The following ADCK1 variants were observed in gnomAD, a reference collection of about 807,000 sequenced individuals.
ADCK1 encodes aarF domain-containing protein kinase 1.
ADCK1 carries 41 observed loss-of-function variants against 52.3 expected under a neutral mutation model. That is an observed-to-expected ratio of 0.78 (90% CI 0.61 to 1.02). The LOEUF (loss-of-function observed/expected upper bound fraction) is 1.02, where lower values mean the gene tolerates loss of function less well. Among genes scored for constraint, ADCK1 ranks in the 50% least tolerant of loss-of-function variants. The pLI, the probability that ADCK1 is intolerant of heterozygous loss-of-function variation, is 0.00. For synonymous variants in ADCK1, 250 were observed against 274.6 expected, an observed-to-expected ratio of 0.91 and a Z score of 0.89; for missense variants, 658 against 679.5, an observed-to-expected ratio of 0.97 and a Z score of 0.35.
At chr14:77,884,927 A>G (rs988523236) in intron 4 of ADCK1, among the ~76,000 whole-genome samples, 5 of 152,150 alleles carry the variant, frequency 3.3e-5, no homozygotes, top group African/African-American at 1.2e-4. Context: ...TCTATTTTGG[A>G]AAGCTCCATG....
At chr14:77,821,193 G>A (rs1331336301) in intron 2 of ADCK1, 1 of 152,150 alleles carries the variant, frequency 6.6e-6, no homozygotes, top group African/African-American at 2.4e-5. Flanking sequence ...TGGAAAGGAG[G>A]GAGGCAGATA....
At chr14:77,837,114 T>G (rs2081976956) in intron 3 of ADCK1, among the ~76,000 whole-genome samples, 1 of 151,386 alleles carries the variant, frequency 6.6e-6, no homozygotes, top group Non-Finnish European at 1.5e-5. Flanking sequence ...GGATTTAGGG[T>G]CCACCTGGGC....
intron 6 of ADCK1, among the ~76,000 whole-genome samples, chr14:77,901,853 AG>A (rs969921641): frequency 2.6e-5 from 4 of 152,134 alleles, no homozygotes; most frequent in African/African-American, 7.2e-5. Flanking sequence ...CAGGGCTTGG[AG>A]GGCTCTTCTG....
At chr14:77,872,487 T>TCTTG (rs1254819745) in intron 4 of ADCK1, among the ~76,000 whole-genome samples, 1 of 151,900 alleles carries the variant, frequency 6.6e-6, no homozygotes. Flanking sequence ...CTGAGGAGGT[T>TCTTG]CTTGAAGAAG....
rs1000302463 is a variant in ADCK1, at chr14:77,934,925, A to G, written c.*1534A>G. ...CTGAGAGTATAATTTGCAATATCTG[A>G]TTATTAATCTTGAGGATGTGTGCTG... On this transcript the variant is annotated 3_prime_UTR_variant, in exon 11 of 11. Coordinates refer to ENST00000238561, the MANE Select transcript of ADCK1 (RefSeq NM_020421.4). 1 of 152,178 alleles carries G rather than the reference A, an allele frequency of 6.6e-6. No homozygotes were observed. The highest frequency in any genetic ancestry group is 2.4e-5 in the African/African-American group (1 of 41,432). The allele number at this position is 152,178 out of a possible 1,614,324, so 9.4% of individuals were successfully genotyped here.
At position 77,819,758 on chromosome 14, in the gene ADCK1, T is replaced by C. The variant is rs140488133; in HGVS notation, c.135+645T>C. On this transcript the variant is annotated intron_variant, in intron 2 of 10. Transcript: ENST00000238561. ...AGACATTCCTATAGAATTGTCCCAT[T>C]GGTGGGTAGATGGCCACATGCCTCA... 5.7e-4 allele frequency among the ~76,000 whole-genome samples: 87 copies of C among 152,372 alleles called. No individual in the cohort carries two copies. The Middle Eastern group carries it at 0.01, about 18-fold the overall frequency.
At chr14:77,929,211 A>AT (rs2084266613) in intron 9 of ADCK1, among the ~76,000 whole-genome samples, 1 of 152,122 alleles carries the variant, frequency 6.6e-6, no homozygotes, top group East Asian at 1.9e-4. Context: ...TATGAAGGAG[A>AT]ATGTTTTCCC....
intron 3 of ADCK1, among the ~76,000 whole-genome samples, chr14:77,855,042 C>A (rs1342609605): frequency 6.6e-6 from 1 of 152,256 alleles, no homozygotes; most frequent in African/African-American, 2.4e-5. Context: ...CCTGCCTTGA[C>A]CTTTCCTTCG....
At chr14:77,885,169 C>T (rs1215611489) in intron 4 of ADCK1, among the ~76,000 whole-genome samples, 2 of 152,194 alleles carry the variant, frequency 1.3e-5, no homozygotes, top group Non-Finnish European at 2.9e-5. Flanking sequence ...ATGGGGTTTA[C>T]AGGGATGATG....
chr14:77,828,727 A>C lies in ADCK1; in HGVS notation c.219+6209A>C, dbSNP rs144428781. On this transcript the variant is annotated intron_variant, in intron 3 of 10. Transcript: ENST00000238561. ...TTTTTAGTAGAGACGGGGTTTCACT[A>C]TGTTGGTTAGGCTGGTCACAAACTC... Among the ~76,000 whole-genome samples the C allele has an allele frequency of 2.6e-5, 4 of 151,926 alleles. No homozygotes were observed. The South Asian group carries it at 8.3e-4, about 32-fold the overall frequency.
intron 9 of ADCK1, among the ~76,000 whole-genome samples, chr14:77,930,968 A>G (rs2084316452): frequency 6.6e-6 from 1 of 152,174 alleles, no homozygotes; most frequent in Non-Finnish European, 1.5e-5. Flanking sequence ...ACCAGCATGA[A>G]GGGCTAATCC....
intron 4 of ADCK1, among the ~76,000 whole-genome samples, chr14:77,872,651 C>T (rs1409762854): frequency 3.3e-5 from 5 of 150,046 alleles, no homozygotes; most frequent in Non-Finnish European, 1.5e-5. Flanking sequence ...CTTGCTGTGC[C>T]GCCCCCAGGT....
intron 4 of ADCK1, among the ~76,000 whole-genome samples, chr14:77,877,782 T>G (rs912553466): frequency 6.6e-6 from 1 of 152,204 alleles, no homozygotes; most frequent in Admixed American, 6.5e-5. Flanking sequence ...TTTTTTATTT[T>G]TTTGTAGAGA....
intron 5 of ADCK1, among the ~76,000 whole-genome samples, chr14:77,894,190 A>C (rs898447611): frequency 1.3e-5 from 2 of 152,170 alleles, no homozygotes; most frequent in African/African-American, 4.8e-5. Flanking sequence ...TCACCCTATA[A>C]ATCTGTTTTC....
At chr14:77,914,071 C>T (rs78521521) in intron 7 of ADCK1, among the ~76,000 whole-genome samples, 5,115 of 152,204 alleles carry the variant, frequency 0.034, 127 homozygotes, top group Non-Finnish European at 0.053. Context: ...TTCAGAACCC[C>T]CAAATCTCAT....
Position 77,821,891 on chromosome 14 carries a change from G to GAAAAAA in ADCK1, c.136-531_136-526dup, listed in dbSNP as rs35265585. 1.4e-4 allele frequency among the ~76,000 whole-genome samples: 15 copies of GAAAAAA among 109,592 alleles called. 1 individual carries two copies. Among genetic ancestry groups the GAAAAAA allele is most frequent in the African/African-American group, 5.6e-4 (15 of 26,554 alleles). The allele number at this position is 109,592 out of a possible 152,430, so 71.9% of individuals were successfully genotyped here. A position where few individuals can be genotyped will look rare whatever the true frequency, so the allele number is the denominator to read the frequency against. On this transcript the variant is annotated intron_variant, in intron 2 of 10. Transcript: ENST00000238561. ...AGTGACAGAGCAAGACTCTGTCTCA[G>GAAAAAA]AAAAAAAAAAAAAAAAAAGACTTAT...
chr14:77,817,678 A>C (rs2081485927), intron 1 of ADCK1, among the ~76,000 whole-genome samples: 1 of 152,158 alleles, frequency 6.6e-6, no homozygotes, highest in South Asian at 2.1e-4. Context: ...GAGTGGGCAG[A>C]GTAGTGACAG....
chr14:77,814,443 A>C (rs977569522), intron 1 of ADCK1, among the ~76,000 whole-genome samples: 4 of 151,676 alleles, frequency 2.6e-5, no homozygotes, highest in African/African-American at 9.7e-5. Flanking sequence ...AAAACAAAAA[A>C]CAAAAATCCT....
chr14:77,889,150 A>G (rs140779696), intron 5 of ADCK1, among the ~76,000 whole-genome samples: 6,538 of 152,310 alleles, frequency 0.043, 280 homozygotes, highest in African/African-American at 0.11. Flanking sequence ...AGGCCTCCCC[A>G]GCCATGTGGA....
Sources: gnomAD v4.1 joint callset for allele counts (sites outside exome capture counted in the v4.1 genomes callset) on GRCh38, gnomAD v4.1.1 for gene constraint, MANE v1.5 for transcripts, NCBI Gene and HGNC (gene_info 2026-07-23, HGNC 2026-07-21) for gene names.